Variants in KLHL1 observed in about 807,000 individuals in gnomAD.
The protein encoded by KLHL1 is kelch like family member 1.
In KLHL1, 47 loss-of-function variants were observed where a neutral mutation model predicts 77.7. The ratio of observed to expected loss-of-function variants is 0.60; its 90% CI spans 0.48 to 0.77. The LOEUF (loss-of-function observed/expected upper bound fraction) is 0.77. KLHL1 is among the 30% of genes least tolerant of loss of function. The pLI is 0.00. For synonymous variants in KLHL1, 360 were observed against 325.2 expected, an observed-to-expected ratio of 1.11 and a Z score of -1.15; for missense variants, 925 against 910.8, an observed-to-expected ratio of 1.02 and a Z score of -0.20.
At chr13:70,056,243 G>C (rs1364079758) in intron 1 of KLHL1, among the ~76,000 whole-genome samples, 9 of 152,036 alleles carry the variant, frequency 5.9e-5, no homozygotes, top group Non-Finnish European at 1.2e-4. Context: ...AGGAGAAAAA[G>C]AAGTTCATTA....
intron 6 of KLHL1, among the ~76,000 whole-genome samples, chr13:69,815,575 GAA>G (rs1220674695): frequency 6.6e-6 from 1 of 152,136 alleles, no homozygotes; most frequent in African/African-American, 2.4e-5. Flanking sequence ...AGGAAAGTGG[GAA>G]AGTGTTGAAA....
At chr13:69,833,119 C>T (rs1213215682) in intron 6 of KLHL1, among the ~76,000 whole-genome samples, 1 of 151,970 alleles carries the variant, frequency 6.6e-6, no homozygotes, top group Non-Finnish European at 1.5e-5. Context: ...CTTAATTAAA[C>T]TCAATAAGTT....
intron 1 of KLHL1, among the ~76,000 whole-genome samples, chr13:69,990,036 GA>G (rs1191005871): frequency 6.6e-6 from 1 of 151,858 alleles, no homozygotes; most frequent in Non-Finnish European, 1.5e-5. Flanking sequence ...CATTCTTAAA[GA>G]AAATAAATTC....
At chr13:69,824,345 CAT>C (rs796069366) in intron 6 of KLHL1, among the ~76,000 whole-genome samples, 29 of 152,108 alleles carry the variant, frequency 1.9e-4, no homozygotes, top group African/African-American at 6.5e-4. Context: ...CACTCAGTGA[CAT>C]ATTGACACAG....
chr13:70,049,828 C>CACAAAACAAAACAAA (rs775277487), intron 1 of KLHL1, among the ~76,000 whole-genome samples: 5 of 151,628 alleles, frequency 3.3e-5, no homozygotes, highest in Non-Finnish European at 7.4e-5. Flanking sequence ...TCTGGCTTAC[C>CACAAAACAAAACAAA]ACAAAACAAA....
intron 5 of KLHL1, among the ~76,000 whole-genome samples, chr13:69,868,670 T>G (rs1169803793): frequency 6.6e-6 from 1 of 152,164 alleles, no homozygotes; most frequent in Non-Finnish European, 1.5e-5. Flanking sequence ...TGATGATAGC[T>G]TATATTTCAA....
intron 1 of KLHL1, among the ~76,000 whole-genome samples, chr13:70,094,404 T>C (rs898524754): frequency 6.6e-5 from 10 of 150,474 alleles, no homozygotes; most frequent in Non-Finnish European, 1.2e-4. Flanking sequence ...TATATATATA[T>C]ATATATGAAT....
chr13:69,787,088 G>T (rs1284077120), intron 7 of KLHL1, among the ~76,000 whole-genome samples: 1 of 152,106 alleles, frequency 6.6e-6, no homozygotes, highest in Non-Finnish European at 1.5e-5. Flanking sequence ...TACTGCCCAA[G>T]GTAATTTATA....
At position 69,867,858 on chromosome 13, in the gene KLHL1, G is replaced by C. The variant is rs562359059; in HGVS notation, c.1227+14425C>G. 3.6e-4 allele frequency among the ~76,000 whole-genome samples: 40 copies of C among 110,706 alleles called. No individual in the cohort carries two copies. In the South Asian group the frequency reaches 0.013, roughly 36 times the overall value. The allele number at this position is 110,706 out of a possible 152,430, so 72.6% of individuals were successfully genotyped here. A position where few individuals can be genotyped will look rare whatever the true frequency, so the allele number is the denominator to read the frequency against. Reference sequence around the variant, plus strand: ...CACACACTGGGGCCTGTTGTGGGGTGGGGGGAGGGGGGAGGGATAGCATTA... The same window carrying C: ...CACACACTGGGGCCTGTTGTGGGGTCGGGGGAGGGGGGAGGGATAGCATTA... On this transcript the variant is annotated intron_variant, in intron 5 of 10. Coordinates refer to ENST00000377844, the MANE Select transcript of KLHL1 (RefSeq NM_020866.3).
intron 1 of KLHL1, among the ~76,000 whole-genome samples, chr13:70,058,945 T>C (rs9542167): frequency 0.22 from 33,006 of 152,020 alleles, 4,300 homozygotes; most frequent in African/African-American, 0.37. Flanking sequence ...AAGGTGCCGA[T>C]AATATACAAT....
At chr13:70,061,255 G>T (rs1886876647) in intron 1 of KLHL1, among the ~76,000 whole-genome samples, 1 of 152,024 alleles carries the variant, frequency 6.6e-6, no homozygotes, top group Non-Finnish European at 1.5e-5. Context: ...ACTGGAATTT[G>T]TCTTAGAATG....
At chr13:69,810,825 T>A (rs1041604020) in intron 6 of KLHL1, among the ~76,000 whole-genome samples, 1 of 151,836 alleles carries the variant, frequency 6.6e-6, no homozygotes, top group African/African-American at 2.4e-5. Flanking sequence ...ATACAAAGGC[T>A]CCTCAGAGAG....
chr13:69,929,326 T>G (rs964377041), intron 4 of KLHL1, among the ~76,000 whole-genome samples: 1 of 151,974 alleles, frequency 6.6e-6, no homozygotes, highest in Non-Finnish European at 1.5e-5. Flanking sequence ...TCAAAGTAGG[T>G]ATTGAAATCT....
chr13:70,096,575 T>C (rs908142596), intron 1 of KLHL1, among the ~76,000 whole-genome samples: 2 of 152,008 alleles, frequency 1.3e-5, no homozygotes, highest in African/African-American at 4.8e-5. Flanking sequence ...AGCAGAAGTT[T>C]GTTTTACTTG....
chr13:69,818,792 A>G (rs556664698), intron 6 of KLHL1, among the ~76,000 whole-genome samples: 1 of 152,302 alleles, frequency 6.6e-6, no homozygotes, highest in South Asian at 2.1e-4. Flanking sequence ...TTCAAGCTCA[A>G]AGAAAGTGTT....
chr13:69,731,963 TAAAGACTTTAAAGATGATAA>T (rs1873564494), intron 8 of KLHL1, among the ~76,000 whole-genome samples: 3 of 152,080 alleles, frequency 2.0e-5, no homozygotes, highest in African/African-American at 7.2e-5. Flanking sequence ...ACATATACTT[TAAAGACTTTAAAGATGATAA>T]AAAGACTTTA....
chr13:69,752,437 A>T (rs1209310921), intron 7 of KLHL1, among the ~76,000 whole-genome samples: 4 of 152,160 alleles, frequency 2.6e-5, no homozygotes, highest in Non-Finnish European at 5.9e-5. Flanking sequence ...TTTGTTAATT[A>T]TATTAATATG....
At chr13:70,093,131 G>A (rs77284552) in intron 1 of KLHL1, among the ~76,000 whole-genome samples, 204 of 152,150 alleles carry the variant, frequency 1.3e-3, no homozygotes, top group African/African-American at 4.7e-3. Flanking sequence ...GCGCTATTAT[G>A]TAATTATGTG....
At position 70,107,532 on chromosome 13, in the gene KLHL1, C is replaced by A; in HGVS notation, c.168G>T (p.Leu56=). 1 of 1,610,732 alleles carries A rather than the reference C, an allele frequency of 6.2e-7. No homozygotes were observed. Among genetic ancestry groups the A allele is most frequent in the Non-Finnish European group, 8.5e-7 (1 of 1,178,058 alleles). ...CACCGCTTCTCTCTTGGCTTTTGAG[C>A]AGGCGACTCTGGCTGGGTCCCCAGT... ...FEHWGPSQSR[L]LKSQERSGVS... is the part of the protein sequence containing the mutation. Residue 56 remains leucine, a synonymous_variant, in exon 1 of 11, where the codon CTG becomes CTT. Transcript: ENST00000377844.
Sources: allele counts gnomAD v4.1 joint callset (sites outside exome capture counted in the v4.1 genomes callset), GRCh38; gene constraint gnomAD v4.1.1; transcripts MANE v1.5; gene names NCBI Gene and HGNC (gene_info 2026-07-23, HGNC 2026-07-21).